Variants in TP53BP1 observed in about 807,000 individuals in gnomAD.
TP53BP1 encodes the protein TP53-binding protein 1.
A neutral mutation model predicts 200.8 loss-of-function variants in TP53BP1; 61 were observed. The ratio of observed to expected loss-of-function variants is 0.30; its 90% confidence interval spans 0.25 to 0.38. TP53BP1 has a LOEUF of 0.38. Among genes scored for constraint, TP53BP1 ranks in the 10% least tolerant of loss-of-function variants. The pLI is 1.00. For missense variants in TP53BP1, 2,144 were observed against 2,371.9 expected, an observed-to-expected ratio of 0.90 and a Z score of 2.00; for synonymous variants, 822 against 844.3, an observed-to-expected ratio of 0.97 and a Z score of 0.46.
chr15:43,410,796 G>T (rs1190084687), intron 24 of TP53BP1, among the ~76,000 whole-genome samples: 1 of 152,138 alleles, frequency 6.6e-6, no homozygotes, highest in Non-Finnish European at 1.5e-5. Context: ...GAGGAGCTCA[G>T]GCACCGCCGA....
rs750071354 is a variant in TP53BP1 at position 43,403,813 on chromosome 15, G to C, written c.*3570C>G. 1 of 1,590,728 alleles carries C rather than the reference G, an allele frequency of 6.3e-7. No individual in the cohort carries two copies. The highest frequency in any genetic ancestry group is 1.3e-5 in the African/African-American group (1 of 74,606). The stretch of plus-strand genomic sequence containing the variant: ...ATTCTCGTGAAGGTGCGTCTGCCTG[G>C]AAGTATGCAGCCTTGCCGAAAGGAC... On this transcript the variant is annotated 3_prime_UTR_variant, in exon 28 of 28. Transcript: ENST00000382044.
At chr15:43,415,849 G>A (rs1257822533) in intron 22 of TP53BP1, 40 bp from the exon 23 acceptor site, 1 of 1,553,734 alleles carries the variant, frequency 6.4e-7, no homozygotes. Flanking sequence ...CAAACTCTAT[G>A]GTATGAGGCC....
At chr15:43,498,831 T>A (rs1235400503) in intron 1 of TP53BP1, among the ~76,000 whole-genome samples, 1 of 152,128 alleles carries the variant, frequency 6.6e-6, no homozygotes, top group Non-Finnish European at 1.5e-5. Flanking sequence ...GGTACCAAAT[T>A]ATCCAAGATT....
At chr15:43,486,450 A>G (rs751700175) in intron 4 of TP53BP1, among the ~76,000 whole-genome samples, 15 of 152,344 alleles carry the variant, frequency 9.8e-5, no homozygotes, top group Non-Finnish European at 1.9e-4. Context: ...TCAGAACTCA[A>G]TTGTATTACT....
intron 16 of TP53BP1, among the ~76,000 whole-genome samples, chr15:43,436,264 G>A (rs571544425): frequency 3.9e-5 from 6 of 152,024 alleles, no homozygotes; most frequent in South Asian, 2.1e-4. Context: ...GTGCCACCGC[G>A]CCTGGCTAAA....
At chr15:43,455,728 A>T (rs2046277912) in intron 12 of TP53BP1, among the ~76,000 whole-genome samples, 164 bp downstream of exon 12, 1 of 152,160 alleles carries the variant, frequency 6.6e-6, no homozygotes. Flanking sequence ...CTCAAAAAAA[A>T]AAAAAGGCAA....
At chr15:43,459,437 T>G (rs1407076977) in intron 11 of TP53BP1, among the ~76,000 whole-genome samples, 1 of 152,206 alleles carries the variant, frequency 6.6e-6, no homozygotes, top group Non-Finnish European at 1.5e-5. Context: ...TAATTATAAT[T>G]GAATAGATTA....
chr15:43,460,031 A>T (rs928441669), intron 11 of TP53BP1, among the ~76,000 whole-genome samples: 6 of 152,182 alleles, frequency 3.9e-5, no homozygotes, highest in Non-Finnish European at 7.3e-5. Flanking sequence ...CTCTACTTTG[A>T]TGGTGGTGAT....
In TP53BP1 at chr15:43,422,039, C is replaced by G; in HGVS notation, c.3916G>C (p.Asp1306His). ...GCCTTGGAGGAGAAGGAGCTGATAT[C>G]CCCCAGGTCACCTGAGGAGCCCCCA... ...QTGGSSGDLG[D>H]ISSFSSKASS... The change falls in exon 19 of 28, where the codon GAT becomes CAT. Residue 1306 changes from aspartate to histidine, a missense_variant. Transcript: ENST00000382044. 6.2e-7 allele frequency: 1 copy of G among 1,614,200 alleles called. No individual in the cohort carries two copies. The highest frequency in any genetic ancestry group is 8.5e-7 in the Non-Finnish European group (1 of 1,180,032).
At chr15:43,502,817 A>G (rs1448073276) in intron 1 of TP53BP1, among the ~76,000 whole-genome samples, 2 of 151,070 alleles carry the variant, frequency 1.3e-5, no homozygotes, top group African/African-American at 2.4e-5. Context: ...GTGTGATGGC[A>G]TGATCTCAGC....
chr15:43,420,382 T>C lies in TP53BP1; in HGVS notation c.4604A>G (p.Lys1535Arg). ...DDGYECDVLG[K>R]DILLCDPIPL... is the part of the protein sequence containing the mutation. ...GATGGGGTCACATAACAGAATGTCT[T>C]TGCCCAACACATCACATTCGTACCC... The change falls in exon 21 of 28, where the codon AAA (lysine) becomes AGA (arginine). Residue 1535 changes from lysine to arginine, a missense_variant. Physicochemically the swap from Lys to Arg is conservative, Grantham distance 26. Around this residue, in one of 4 missense-constraint regions of TP53BP1, gnomAD observed 61 missense variants for 147.5 expected, o/e 0.41. Transcript: ENST00000382044. The C allele has an allele frequency of 6.2e-7, 1 of 1,614,162 alleles. No individual in the cohort carries two copies. The highest frequency in any genetic ancestry group is 8.5e-7 in the Non-Finnish European group (1 of 1,180,034).
At chr15:43,432,994 G>T (rs1339666215) in intron 16 of TP53BP1, among the ~76,000 whole-genome samples, 1 of 151,986 alleles carries the variant, frequency 6.6e-6, no homozygotes, top group Admixed American at 6.6e-5. Flanking sequence ...TAAACAAAAA[G>T]ATGTAAACCC....
chr15:43,507,486 AC>A (rs1221405820), intron 1 of TP53BP1, among the ~76,000 whole-genome samples: 1 of 152,088 alleles, frequency 6.6e-6, no homozygotes, highest in Non-Finnish European at 1.5e-5. Flanking sequence ...CGTAGTCAAG[AC>A]CCTCCACTGG....
At chr15:43,438,641 T>C (rs746676972) in intron 15 of TP53BP1, among the ~76,000 whole-genome samples, 3 of 135,106 alleles carry the variant, frequency 2.2e-5, no homozygotes, top group African/African-American at 5.6e-5. Flanking sequence ...CTGTATTAAA[T>C]ACCATAAAGA....
At chr15:43,467,576 A>G (rs1814538) in intron 11 of TP53BP1, among the ~76,000 whole-genome samples, 42,780 of 151,858 alleles carry the variant, frequency 0.28, 10,212 homozygotes, top group African/African-American at 0.65. Context: ...AAATAGAGCA[A>G]TTCCTTCAAC....
chr15:43,503,844 T>G (rs938535933), intron 1 of TP53BP1, among the ~76,000 whole-genome samples: 1 of 152,172 alleles, frequency 6.6e-6, no homozygotes, highest in Non-Finnish European at 1.5e-5. Flanking sequence ...CAACCATGAA[T>G]TGAAAATATT....
upstream of TP53BP1, among the ~76,000 whole-genome samples, chr15:43,497,083 T>C (rs928635722): frequency 6.6e-6 from 1 of 152,194 alleles, no homozygotes; most frequent in African/African-American, 2.4e-5. Context: ...AATGACTGAT[T>C]CTAAAATTTT....
At chr15:43,436,724 C>T (rs1167309906) in intron 16 of TP53BP1, among the ~76,000 whole-genome samples, 1 of 151,486 alleles carries the variant, frequency 6.6e-6, no homozygotes, top group Non-Finnish European at 1.5e-5. Context: ...CTCAAGTAAT[C>T]CTCATGCTTT....
Position 43,455,360 on chromosome 15 carries a change from G to T in TP53BP1, c.2716+532C>A, listed in dbSNP as rs1312511128. On this transcript the variant is annotated intron_variant, in intron 12 of 27. Transcript: ENST00000382044. ...ATTTCTAAATATTTTTTACCAACTA[G>T]TCCCGAGTTACAAAGCTGATAAACC... Among the ~76,000 whole-genome samples the T allele has an allele frequency of 2.0e-5, 3 of 151,714 alleles. No individual in the cohort carries two copies. The East Asian group carries it at 5.8e-4, about 29-fold the overall frequency.
Sources: allele counts gnomAD v4.1 joint callset (sites outside exome capture counted in the v4.1 genomes callset), GRCh38; gene constraint gnomAD v4.1.1; regional missense constraint gnomAD v4.1.1; transcripts MANE v1.5; gene names NCBI Gene and HGNC (gene_info 2026-07-23, HGNC 2026-07-21).